The following MMP11 variants were observed in gnomAD, a reference collection of about 807,000 sequenced individuals.
MMP11 encodes the protein matrix metallopeptidase 11.
A neutral mutation model predicts 49.5 loss-of-function variants in MMP11; 26 were observed. The observed-to-expected ratio is 0.52, with a 90% CI of 0.38 to 0.73. The LOEUF (loss-of-function observed/expected upper bound fraction) is 0.73. Ranked by LOEUF, MMP11 falls within the 30% of genes least tolerant of loss-of-function variation. The probability of loss-of-function intolerance (pLI) is 0.00; values close to 1 mark genes in which losing one functional copy is unlikely to be tolerated. For synonymous variants in MMP11, 265 were observed against 282.3 expected, an observed-to-expected ratio of 0.94 and a Z score of 0.62; for missense variants, 624 against 671.2, an observed-to-expected ratio of 0.93 and a Z score of 0.78.
At chr22:23,776,930 C>T (rs1211009923) in intron 1 of MMP11, among the ~76,000 whole-genome samples, 6 of 151,652 alleles carry the variant, frequency 4.0e-5, no homozygotes, top group Admixed American at 3.9e-4. Context: ...GCCTCAGCCT[C>T]CCGAATAGCT....
Position 23,779,264 on chromosome 22 carries a change from C to T in MMP11, c.186C>T (p.Ala62=). 6.2e-7 allele frequency: 1 copy of T among 1,609,752 alleles called. No individual in the cohort carries two copies. The highest frequency in any genetic ancestry group is 1.1e-5 in the South Asian group (1 of 90,374). ...CCCTGCCCAGTAGCCCGGCACCTGC[C>T]CCTGCCACGCAGGAAGCCCCCCGGC... is the stretch of plus-strand genomic sequence containing the variant. The part of the protein sequence containing the change: ...HAALPSSPAP[A]PATQEAPRPA... The change falls in exon 2 of 8, where the codon GCC becomes GCT. Residue 62 remains alanine, a synonymous_variant. Transcript: ENST00000215743.
At chr22:23,773,127 GAT>G in intron 1 of MMP11, 149 bp downstream of exon 1, 2 of 959,024 alleles carry the variant, frequency 2.1e-6, no homozygotes, top group Non-Finnish European at 2.5e-6. Context: ...CTCTAGGCGT[GAT>G]AGACAGCGAG....
At chr22:23,774,889 T>C (rs1927357012) in intron 1 of MMP11, among the ~76,000 whole-genome samples, 1 of 152,144 alleles carries the variant, frequency 6.6e-6, no homozygotes, top group Non-Finnish European at 1.5e-5. Flanking sequence ...ATTTTCTGGA[T>C]TGCAAGTTGA....
In MMP11 at chr22:23,782,399, C is replaced by A. The variant is rs139334604; in HGVS notation, c.1249C>A (p.Arg417Ser). ...DYWRFHPSTRRVDSPVPRRAT... is the reference protein window; with the variant it reads ...DYWRFHPSTRSVDSPVPRRAT... ...CTGGCGTTTCCACCCCAGCACCCGGCGTGTAGACAGTCCCGTGCCCCGCAG... is the reference window on the plus strand; with the variant it reads ...CTGGCGTTTCCACCCCAGCACCCGGAGTGTAGACAGTCCCGTGCCCCGCAG... The change falls in exon 7 of 8, where the codon CGT (arginine) becomes AGT (serine). Residue 417 changes from arginine to serine, a missense_variant. Physicochemically the swap from Arg to Ser is moderately radical, Grantham distance 110. Transcript: ENST00000215743. 9 of 1,613,916 alleles carry A rather than the reference C, an allele frequency of 5.6e-6. No homozygotes were observed. The highest frequency in any genetic ancestry group is 1.6e-4 in the Middle Eastern group (1 of 6,062).
rs772234430 is a variant in MMP11 at position 23,779,433 on chromosome 22, A to T, written c.338+17A>T. Reference sequence around the variant, plus strand: ...CACCTACAGGTAGGGGCCTGGGAGCAGGACACTAGGATGCCACCTGTGTGT... The same window carrying T: ...CACCTACAGGTAGGGGCCTGGGAGCTGGACACTAGGATGCCACCTGTGTGT... On this transcript the variant is annotated intron_variant, in intron 2 of 7. Transcript: ENST00000215743. 6 of 1,593,770 alleles carry T rather than the reference A, an allele frequency of 3.8e-6. No homozygotes were observed. Among genetic ancestry groups the T allele is most frequent in the Non-Finnish European group, 5.1e-6 (6 of 1,167,944 alleles).
At position 23,782,414 on chromosome 22, in the gene MMP11, G is replaced by C; in HGVS notation, c.1264G>C (p.Val422Leu). ...CAGCACCCGGCGTGTAGACAGTCCC[G>C]TGCCCCGCAGGGCCACTGACTGGAG... ...HPSTRRVDSP[V>L]PRRATDWRGV... The change falls in exon 7 of 8, where the codon GTG becomes CTG. Residue 422 changes from valine to leucine, a missense_variant. Val to Leu is a conservative substitution (Grantham distance 32). Coordinates refer to ENST00000215743, the MANE Select transcript of MMP11 (RefSeq NM_005940.5). 1.2e-6 allele frequency: 2 copies of C among 1,613,762 alleles called. No individual in the cohort carries two copies. The highest frequency in any genetic ancestry group is 2.2e-5 in the East Asian group (1 of 44,878).
intron 7 of MMP11, 129 bp from the exon 8 acceptor site, chr22:23,783,282 G>A (rs1044250491): frequency 1.6e-5 from 18 of 1,125,136 alleles, no homozygotes; most frequent in Middle Eastern, 2.4e-4. Context: ...TGCAGGACTC[G>A]AGGAACTCAG....
In MMP11 at chr22:23,772,985, G is replaced by A; in HGVS notation, c.108+7G>A. The A allele has an allele frequency of 8.4e-7, 1 of 1,188,034 alleles. No individual in the cohort carries two copies. The highest frequency in any genetic ancestry group is 1.6e-5 in the African/African-American group (1 of 62,156). The allele number at this position is 1,188,034 out of a possible 1,614,324, so 73.6% of individuals were successfully genotyped here. A position where few individuals can be genotyped will look rare whatever the true frequency, so the allele number is the denominator to read the frequency against. On this transcript the variant is annotated splice_region_variant and intron_variant, in intron 1 of 7. Transcript: ENST00000215743. ...GGCCCGGGCTCTGCCGCCGGTGAGT[G>A]CCCGCCACTCGCCGGCCGCTCCTCG...
chr22:23,780,081 A>G lies in MMP11; in HGVS notation c.339-278A>G. The G allele has an allele frequency of 2.0e-6, 1 of 502,476 alleles. No homozygotes were observed. Among genetic ancestry groups the G allele is most frequent in the Non-Finnish European group, 3.6e-6 (1 of 278,128 alleles). The allele number at this position is 502,476 out of a possible 1,614,324, so 31.1% of individuals were successfully genotyped here. ...AAGGAACCAAGGTGTCCCCACAGTA[A>G]GTGGCACTGTCAGGTCTAGGATGGG... On this transcript the variant is annotated intron_variant, in intron 2 of 7. Coordinates refer to ENST00000215743, the MANE Select transcript of MMP11 (RefSeq NM_005940.5). This position sits in a 1 kb window ranked among gnomAD's most constrained non-coding sequence, Gnocchi z 4.6.
In MMP11 at chr22:23,772,896, G is replaced by A; in HGVS notation, c.26G>A (p.Ser9Asn). ...ATGGCTCCGGCCGCCTGGCTCCGCA[G>A]CGCGGCCGCGCGCGCCCTCCTGCCC... MAPAAWLR[S>N]AAARALLPPM... The change falls in exon 1 of 8, where the codon AGC becomes AAC. Residue 9 changes from serine to asparagine, a missense_variant. Physicochemically the swap from Ser to Asn is conservative, Grantham distance 46 (BLOSUM62 1). Transcript: ENST00000215743. 5 of 1,168,688 alleles carry A rather than the reference G, an allele frequency of 4.3e-6. No individual in the cohort carries two copies. The highest frequency in any genetic ancestry group is 4.2e-6 in the Non-Finnish European group (4 of 947,688). 72.4% of individuals were successfully genotyped at this position (1,168,688 alleles called of 1,614,324 possible).
intron 7 of MMP11, 146 bp downstream of exon 7, chr22:23,782,629 G>A (rs1927680698): frequency 4.9e-6 from 5 of 1,010,218 alleles, no homozygotes; most frequent in East Asian, 2.6e-5. Context: ...CCCTCCTCTC[G>A]GTGGCCGGCT....
At chr22:23,777,144 C>A (rs143119819) in intron 1 of MMP11, among the ~76,000 whole-genome samples, 1 of 126,578 alleles carries the variant, frequency 7.9e-6, no homozygotes, top group African/African-American at 3.5e-5. Context: ...AAGCCCAGGC[C>A]GGGCGCGGTG....
At position 23,780,231 on chromosome 22, in the gene MMP11, C is replaced by A; in HGVS notation, c.339-128C>A. Reference sequence around the variant, plus strand: ...GGAGACCAGTGCGCTGAAGCTGAGGCCCAGAGTACACCTGGCCTGTGTCCT... The same window carrying A: ...GGAGACCAGTGCGCTGAAGCTGAGGACCAGAGTACACCTGGCCTGTGTCCT... On this transcript the variant is annotated intron_variant, in intron 2 of 7. Coordinates refer to ENST00000215743, the MANE Select transcript of MMP11 (RefSeq NM_005940.5). This position sits in a 1 kb window ranked among gnomAD's most constrained non-coding sequence, Gnocchi z 4.6. The A allele has an allele frequency of 1.7e-6, 2 of 1,174,120 alleles. No homozygotes were observed. The highest frequency in any genetic ancestry group is 2.8e-5 in the South Asian group (2 of 70,572). 72.7% of individuals were successfully genotyped at this position (1,174,120 alleles called of 1,614,324 possible).
intron 7 of MMP11, among the ~76,000 whole-genome samples, chr22:23,782,887 T>C (rs1927693224): frequency 6.6e-6 from 1 of 152,072 alleles, no homozygotes; most frequent in Non-Finnish European, 1.5e-5. Context: ...TGGACTACCC[T>C]GGTGGTCCCT....
At chr22:23,779,598 A>G in intron 2 of MMP11, 182 bp downstream of exon 2, 1 of 606,350 alleles carries the variant, frequency 1.6e-6, no homozygotes, top group East Asian at 2.8e-5. Context: ...CAACTTAGAC[A>G]CATACACATA....
chr22:23,781,129 TC>T (rs1254671065), intron 5 of MMP11, 29 bp downstream of exon 5: 2 of 1,606,304 alleles, frequency 1.2e-6, no homozygotes, highest in Non-Finnish European at 1.7e-6. Flanking sequence ...GTCCCCCTAC[TC>T]CTCTGCTGGC....
At position 23,779,177 on chromosome 22, in the gene MMP11, T is replaced by C; in HGVS notation, c.109-10T>C. On this transcript the variant is annotated splice_polypyrimidine_tract_variant and intron_variant, in intron 1 of 7. Transcript: ENST00000215743. The stretch of plus-strand genomic sequence containing the variant: ...GCCTGACCAGACCCTCATGTCATCC[T>C]CCTGCCTAGGACGCCCACCACCTCC... 6.4e-7 allele frequency: 1 copy of C among 1,572,738 alleles called. No homozygotes were observed. The highest frequency in any genetic ancestry group is 8.6e-7 in the Non-Finnish European group (1 of 1,161,314).
chr22:23,778,899 C>G (rs1347545210), intron 1 of MMP11, among the ~76,000 whole-genome samples: 1 of 152,108 alleles, frequency 6.6e-6, no homozygotes, highest in Non-Finnish European at 1.5e-5. Flanking sequence ...CCAGTGTGCC[C>G]CCACCCCCAG....
At chr22:23,781,804 C>A in intron 6 of MMP11, 1 of 585,606 alleles carries the variant, frequency 1.7e-6, no homozygotes, top group Non-Finnish European at 3.3e-6. Flanking sequence ...GATTTCCATC[C>A]TCAACTGGCA....
Sources: gnomAD v4.1 joint callset for allele counts (sites outside exome capture counted in the v4.1 genomes callset) on GRCh38, gnomAD v4.1.1 for gene constraint, Gnocchi (gnomAD v3.1) non-coding constraint, MANE v1.5 for transcripts, NCBI Gene and HGNC (gene_info 2026-07-23, HGNC 2026-07-21) for gene names.